NCAM2: variants seen among roughly 807,000 people sequenced by gnomAD.
NCAM2 encodes neural cell adhesion molecule 2, also known as N-CAM-2.
A neutral mutation model predicts 98.1 loss-of-function variants in NCAM2; 30 were observed. That is an observed-to-expected ratio of 0.31 (90% CI 0.23 to 0.41). The LOEUF (loss-of-function observed/expected upper bound fraction) is 0.41, where lower values mean the gene tolerates loss of function less well. Among genes scored for constraint, NCAM2 ranks in the 10% least tolerant of loss-of-function variants. NCAM2 has a pLI of 1.00. For missense variants in NCAM2, 867 were observed against 1,005.8 expected (o/e 0.86, Z 1.87); for synonymous variants, 368 against 342.4 (o/e 1.07, Z -0.83).
chr21:21,196,262 GCCCTTCCTGGGTCAA>G (rs531462829), intron 1 of NCAM2, among the ~76,000 whole-genome samples: 20 of 152,266 alleles, frequency 1.3e-4, no homozygotes, highest in Admixed American at 1.3e-3. Flanking sequence ...CAGGAATCAT[GCCCTTCCTGGGTCAA>G]CCCACATCCA....
At chr21:21,121,574 A>G (rs2066675267) in intron 1 of NCAM2, among the ~76,000 whole-genome samples, 1 of 152,210 alleles carries the variant, frequency 6.6e-6, no homozygotes, top group African/African-American at 2.4e-5. Flanking sequence ...TAATCAACTA[A>G]TATGTGGCTA....
chr21:21,454,166 T>C (rs559013508), intron 12 of NCAM2, among the ~76,000 whole-genome samples: 1 of 152,034 alleles, frequency 6.6e-6, no homozygotes, highest in Admixed American at 6.6e-5. Flanking sequence ...TCTAGAGTGA[T>C]GTTAAATTTT....
intron 16 of NCAM2, among the ~76,000 whole-genome samples, chr21:21,531,537 C>CT (rs1989694399): frequency 5.0e-3 from 1 of 200 alleles, no homozygotes; most frequent in Non-Finnish European, 0.012. Context: ...TAATTTAGGT[C>CT]TGAACACCTC....
chr21:21,370,201 T>G (rs1286384097), intron 8 of NCAM2, among the ~76,000 whole-genome samples: 1 of 151,914 alleles, frequency 6.6e-6, no homozygotes, highest in Non-Finnish European at 1.5e-5. Context: ...TTAGGTTTCC[T>G]TTCTGAATGT....
At chr21:21,100,385 C>A (rs1388191283) in intron 1 of NCAM2, among the ~76,000 whole-genome samples, 2 of 151,742 alleles carry the variant, frequency 1.3e-5, no homozygotes, top group Non-Finnish European at 2.9e-5. Context: ...CAGTGACCCC[C>A]CAAAAGCCAA....
chr21:21,090,835 G>T (rs189737401), intron 1 of NCAM2, among the ~76,000 whole-genome samples: 1 of 152,144 alleles, frequency 6.6e-6, no homozygotes, highest in South Asian at 2.1e-4. Context: ...TGCCAGGCTT[G>T]CTGTCTTACC....
intron 11 of NCAM2, among the ~76,000 whole-genome samples, chr21:21,430,771 G>C (rs2077317784): frequency 6.6e-6 from 1 of 152,098 alleles, no homozygotes; most frequent in Admixed American, 6.6e-5. Context: ...GGTGAGGCCA[G>C]GCACTGTGGC....
chr21:21,248,137 G>A (rs1488135169), intron 1 of NCAM2, among the ~76,000 whole-genome samples: 3 of 151,534 alleles, frequency 2.0e-5, no homozygotes, highest in African/African-American at 7.3e-5. Flanking sequence ...ATTCTTCCCT[G>A]AATTGACAAA....
intron 5 of NCAM2, among the ~76,000 whole-genome samples, chr21:21,296,924 A>G (rs866154601): frequency 6.6e-6 from 1 of 151,702 alleles, no homozygotes. Flanking sequence ...TGAGGTTGCA[A>G]GAGACATTAT....
chr21:21,166,094 A>G (rs1266597722), intron 1 of NCAM2, among the ~76,000 whole-genome samples: 1 of 152,222 alleles, frequency 6.6e-6, no homozygotes, highest in African/African-American at 2.4e-5. Flanking sequence ...CACCAAAACA[A>G]GGCAATACAT....
chr21:21,373,011 T>A (rs1400992905), intron 8 of NCAM2, among the ~76,000 whole-genome samples: 1 of 151,840 alleles, frequency 6.6e-6, no homozygotes, highest in Non-Finnish European at 1.5e-5. Flanking sequence ...TAATAATGTA[T>A]TTTGTTGTTA....
At chr21:21,323,770 T>G (rs777328056) in intron 5 of NCAM2, among the ~76,000 whole-genome samples, 6 of 152,224 alleles carry the variant, frequency 3.9e-5, no homozygotes, top group Non-Finnish European at 8.8e-5. Flanking sequence ...ATTCTCTGTA[T>G]GGCTTATGCA....
intron 8 of NCAM2, among the ~76,000 whole-genome samples, chr21:21,362,193 A>C (rs1324217981): frequency 6.6e-6 from 1 of 152,030 alleles, no homozygotes; most frequent in Non-Finnish European, 1.5e-5. Context: ...TGAGTTCTTA[A>C]TGCATCCACC....
chr21:21,353,356 A>C (rs2075392105), intron 8 of NCAM2, among the ~76,000 whole-genome samples: 1 of 152,212 alleles, frequency 6.6e-6, no homozygotes, highest in South Asian at 2.1e-4. Flanking sequence ...AATCTCTAGC[A>C]ATATTAATTC....
intron 2 of NCAM2, among the ~76,000 whole-genome samples, chr21:21,282,387 G>T (rs1290847923): frequency 6.6e-6 from 1 of 151,636 alleles, no homozygotes; most frequent in African/African-American, 2.4e-5. Context: ...GATGAGTTTT[G>T]CTCTTAATAA....
At chr21:21,503,110 A>G (rs1161180398) in intron 15 of NCAM2, among the ~76,000 whole-genome samples, 1 of 151,910 alleles carries the variant, frequency 6.6e-6, no homozygotes, top group Admixed American at 6.6e-5. Flanking sequence ...GACGCATACA[A>G]TAGTCCCTGC....
intron 9 of NCAM2, among the ~76,000 whole-genome samples, chr21:21,375,959 G>A (rs1459936586): frequency 2.0e-5 from 3 of 151,756 alleles, no homozygotes; most frequent in East Asian, 3.9e-4. Context: ...TCAGAAAAGT[G>A]GAGTTTATGA....
At chr21:21,333,959 T>C (rs2074784781) in intron 6 of NCAM2, among the ~76,000 whole-genome samples, 2 of 152,030 alleles carry the variant, frequency 1.3e-5, no homozygotes, top group African/African-American at 4.8e-5. Flanking sequence ...TATGCATTTA[T>C]TATTATTTTT....
intron 10 of NCAM2, among the ~76,000 whole-genome samples, chr21:21,414,033 C>A (rs909804541): frequency 1.3e-5 from 2 of 152,308 alleles, no homozygotes; most frequent in Admixed American, 6.5e-5. Context: ...TATTCTAAAT[C>A]TTTGGTTATC....
Sources: gnomAD v4.1 joint callset for allele counts (sites outside exome capture counted in the v4.1 genomes callset) on GRCh38, gnomAD v4.1.1 for gene constraint, MANE v1.5 for transcripts, NCBI Gene and HGNC (gene_info 2026-07-23, HGNC 2026-07-21) for gene names.